The following PKHD1 variants were observed in gnomAD, a reference collection of about 807,000 sequenced individuals.
PKHD1 encodes PKHD1 ciliary IPT domain containing fibrocystin/polyductin.
In PKHD1, 291 loss-of-function variants were observed where a neutral mutation model predicts 412.0. That is an observed-to-expected ratio of 0.71 (90% confidence interval 0.64 to 0.78). The LOEUF is 0.78. Ranked by LOEUF, PKHD1 falls within the 30% of genes least tolerant of loss-of-function variation. PKHD1 has a pLI of 0.00. For missense variants in PKHD1, 4,825 were observed against 4,950.7 expected (o/e 0.97, Z 0.76); for synonymous variants, 1,777 against 1,821.5 (o/e 0.98, Z 0.62).
At chr6:52,030,830 G>C (rs1178737005) in intron 29 of PKHD1, among the ~76,000 whole-genome samples, 4 of 152,120 alleles carry the variant, frequency 2.6e-5, no homozygotes, top group Admixed American at 1.3e-4. Flanking sequence ...CTGACTGATG[G>C]GTGCAGTTTC....
chr6:51,830,845 G>C lies in PKHD1; in HGVS notation c.8302+16C>G, dbSNP rs1414911478. 2.5e-6 allele frequency: 4 copies of C among 1,609,962 alleles called. No individual in the cohort carries two copies. The African/African-American group carries it at 4.0e-5, about 16-fold the overall frequency. On this transcript the variant is annotated intron_variant, in intron 52 of 66. Coordinates refer to ENST00000371117, the MANE Select transcript of PKHD1 (RefSeq NM_138694.4). ...TCAGCCTGTCTGTGATTCATCTCTT[G>C]GGTAGTTTTACTCACTGGGTAAAAT...
chr6:51,947,989 C>T (rs538176091), intron 36 of PKHD1, among the ~76,000 whole-genome samples: 1 of 152,160 alleles, frequency 6.6e-6, no homozygotes, highest in African/African-American at 2.4e-5. Context: ...GTCTGAAAAT[C>T]ACAGAGTTAA....
rs567695942 is a variant in PKHD1 at position 51,859,705 on chromosome 6, G to A, written c.7734-3635C>T. On this transcript the variant is annotated intron_variant, in intron 48 of 66. Transcript: ENST00000371117. ...ACATTTACAGACCAATTTTTAGGAT[G>A]TTATTTCCCCTGACTCAGTTTCTGT... Among the ~76,000 whole-genome samples, 7 of 152,094 alleles carry A rather than the reference G, an allele frequency of 4.6e-5. No homozygotes were observed. The East Asian group carries it at 1.4e-3, about 29-fold the overall frequency.
chr6:51,690,917 T>C (rs1778080744), intron 60 of PKHD1, among the ~76,000 whole-genome samples: 1 of 152,128 alleles, frequency 6.6e-6, no homozygotes. Flanking sequence ...ACTATACTTC[T>C]GACAAAGGTC....
chr6:51,844,839 T>C (rs562151054), intron 50 of PKHD1, among the ~76,000 whole-genome samples: 1 of 152,234 alleles, frequency 6.6e-6, no homozygotes, highest in Non-Finnish European at 1.5e-5. Context: ...AAAAATCTAA[T>C]ATGGAATTCC....
chr6:51,721,951 A>C, intron 60 of PKHD1: 2 of 1,613,268 alleles, frequency 1.2e-6, no homozygotes, highest in Non-Finnish European at 1.7e-6. Context: ...TGCCTCATTA[A>C]TCTTTCAAAG....
intron 52 of PKHD1, among the ~76,000 whole-genome samples, chr6:51,829,103 A>G (rs373268428): frequency 2.0e-5 from 3 of 152,142 alleles, no homozygotes; most frequent in Non-Finnish European, 4.4e-5. Context: ...GATTATCACA[A>G]TAACACTGAA....
At chr6:51,915,015 G>C (rs574762365) in intron 37 of PKHD1, among the ~76,000 whole-genome samples, 2 of 152,212 alleles carry the variant, frequency 1.3e-5, no homozygotes, top group South Asian at 4.1e-4. Flanking sequence ...GCATTCCCAA[G>C]TATGTCTGGG....
chr6:51,649,320 A>C, intron 61 of PKHD1, 100 bp from the exon 62 acceptor site: 1 of 903,846 alleles, frequency 1.1e-6, no homozygotes, highest in South Asian at 1.4e-5. Flanking sequence ...AAATATTTGC[A>C]TTTGCCTGTG....
intron 35 of PKHD1, among the ~76,000 whole-genome samples, chr6:51,975,429 C>T (rs1440978916): frequency 6.6e-6 from 1 of 151,970 alleles, no homozygotes; most frequent in East Asian, 1.9e-4. Context: ...ATACAAAGAA[C>T]TTCCATAGCT....
At chr6:51,942,159 C>T (rs1357752673) in intron 36 of PKHD1, among the ~76,000 whole-genome samples, 2 of 151,682 alleles carry the variant, frequency 1.3e-5, no homozygotes, top group African/African-American at 2.4e-5. Context: ...CCCCACTCCT[C>T]TTTCCATTCC....
chr6:51,900,203 G>A (rs1260708094), intron 43 of PKHD1, among the ~76,000 whole-genome samples: 2 of 152,118 alleles, frequency 1.3e-5, no homozygotes, highest in South Asian at 4.1e-4. Context: ...AAAAGAGCCC[G>A]CATCGCCAAG....
chr6:51,815,991 A>C (rs915262865), intron 52 of PKHD1, among the ~76,000 whole-genome samples: 1 of 152,202 alleles, frequency 6.6e-6, no homozygotes. Context: ...TCTTTAAAAA[A>C]GGATGCTTGC....
chr6:51,898,975 G>C (rs556763675), intron 43 of PKHD1, among the ~76,000 whole-genome samples: 1 of 152,212 alleles, frequency 6.6e-6, no homozygotes, highest in Non-Finnish European at 1.5e-5. Flanking sequence ...GGAAGAAGTT[G>C]AATCTCTGAA....
chr6:51,737,915 G>T (rs918348276), intron 60 of PKHD1, among the ~76,000 whole-genome samples: 6 of 152,108 alleles, frequency 3.9e-5, no homozygotes, highest in Non-Finnish European at 8.8e-5. Context: ...AGGGGGGTTT[G>T]TTTTGTTTTA....
chr6:51,999,384 T>C (rs1798094281), intron 35 of PKHD1, among the ~76,000 whole-genome samples: 1 of 152,200 alleles, frequency 6.6e-6, no homozygotes, highest in South Asian at 2.1e-4. Context: ...CTGAGCTGAT[T>C]TTCAATTCGA....
chr6:51,721,901 T>C lies in PKHD1; in HGVS notation c.10156+22484A>G, dbSNP rs903524430. On this transcript the variant is annotated intron_variant, in intron 60 of 66. Transcript: ENST00000371117. ...ACAGTGTCTTAACAAGTCTTTCCAT[T>C]TGGTCCATGCTCCAACCCATTCTTC... 3.5e-5 allele frequency: 57 copies of C among 1,606,374 alleles called. No individual in the cohort carries two copies. The Admixed American group carries it at 9.1e-4, about 26-fold the overall frequency.
chr6:51,719,615 A>G (rs1762042393), intron 60 of PKHD1, among the ~76,000 whole-genome samples: 1 of 152,194 alleles, frequency 6.6e-6, no homozygotes, highest in African/African-American at 2.4e-5. Context: ...AGGTTTTATG[A>G]GACCCCAAAT....
chr6:52,076,354 C>T (rs775633052), intron 5 of PKHD1, 21 bp from the exon 6 acceptor site: 22 of 1,588,446 alleles, frequency 1.4e-5, no homozygotes, highest in Non-Finnish European at 1.9e-5. Flanking sequence ...AATAGTACCA[C>T]AAGTGAGCAT....
Sources: allele counts gnomAD v4.1 joint callset (sites outside exome capture counted in the v4.1 genomes callset), GRCh38; gene constraint gnomAD v4.1.1; transcripts MANE v1.5; gene names NCBI Gene and HGNC (gene_info 2026-07-23, HGNC 2026-07-21).